Variants in DHRSX observed in about 807,000 individuals in gnomAD.
DHRSX encodes dehydrogenase/reductase X-linked, also known as polyprenol dehydrogenase.
In DHRSX, 31 loss-of-function variants were observed where a neutral mutation model predicts 34.0. The ratio of observed to expected loss-of-function variants is 0.91; its 90% confidence interval spans 0.69 to 1.23. The LOEUF is 1.23. DHRSX is among the 50% of genes most tolerant of loss of function. The pLI, the probability that DHRSX is intolerant of heterozygous loss-of-function variation, is 0.00. For synonymous variants in DHRSX, 201 were observed against 183.8 expected (o/e 1.09, Z -0.76); for missense variants, 414 against 428.1 (o/e 0.97, Z 0.29).
At chrX:2,421,639 T>C (rs1474279131) in intron 2 of DHRSX, among the ~76,000 whole-genome samples, 3 of 152,124 alleles carry the variant, frequency 2.0e-5, no homozygotes, top group Non-Finnish European at 4.4e-5. Flanking sequence ...CATTTTCTTC[T>C]TTTGTAAATG....
chrX:2,316,035 T>A (rs2042238068), intron 3 of DHRSX, among the ~76,000 whole-genome samples: 1 of 152,106 alleles, frequency 6.6e-6, no homozygotes, highest in African/African-American at 2.4e-5. Context: ...CTAATTTTTG[T>A]CTTTTTAGTA....
At chrX:2,475,176 C>G (rs73180879) in intron 1 of DHRSX, among the ~76,000 whole-genome samples, 23,887 of 139,238 alleles carry the variant, frequency 0.17, 3,221 homozygotes, top group African/African-American at 0.35. Context: ...TAAGGGACCT[C>G]CGCCATGTGC....
chrX:2,234,167 C>A (rs765072878), intron 6 of DHRSX, among the ~76,000 whole-genome samples: 31 of 152,156 alleles, frequency 2.0e-4, no homozygotes, highest in African/African-American at 7.0e-4. Context: ...TCCCTGCCTT[C>A]ACCCATGCAC....
At chrX:2,325,552 C>G (rs2042375501) in intron 3 of DHRSX, among the ~76,000 whole-genome samples, 1 of 152,052 alleles carries the variant, frequency 6.6e-6, no homozygotes, top group Non-Finnish European at 1.5e-5. Flanking sequence ...AGCCCATTTG[C>G]ATAACCGATT....
chrX:2,452,558 C>G (rs1016548608), intron 1 of DHRSX, among the ~76,000 whole-genome samples: 19 of 151,970 alleles, frequency 1.3e-4, no homozygotes, highest in African/African-American at 4.6e-4. Context: ...GCCAAGAGAC[C>G]ACCATGTACA....
intron 3 of DHRSX, among the ~76,000 whole-genome samples, chrX:2,298,321 T>G (rs1331042093): frequency 2.7e-5 from 4 of 150,822 alleles, no homozygotes; most frequent in African/African-American, 4.9e-5. Context: ...TTTGGTGTTT[T>G]TTTTTTTTTT....
At chrX:2,465,436 G>A (rs28376452) in intron 1 of DHRSX, among the ~76,000 whole-genome samples, 1 of 151,892 alleles carries the variant, frequency 6.6e-6, no homozygotes, top group Non-Finnish European at 1.5e-5. Flanking sequence ...AAATCAAGCT[G>A]TGAGGAGTAA....
intron 4 of DHRSX, among the ~76,000 whole-genome samples, chrX:2,283,418 G>C (rs1369343631): frequency 1.3e-5 from 2 of 152,096 alleles, no homozygotes; most frequent in Admixed American, 6.5e-5. Context: ...AGAATAAATG[G>C]TCTACACCTG....
intron 1 of DHRSX, among the ~76,000 whole-genome samples, chrX:2,496,041 T>G (rs777882472): frequency 6.6e-6 from 1 of 152,294 alleles, no homozygotes; most frequent in East Asian, 1.9e-4. Flanking sequence ...ATTTTTCTTT[T>G]AAAAAACATA....
At chrX:2,339,743 CCA>C (rs1467772037) in intron 3 of DHRSX, among the ~76,000 whole-genome samples, 1 of 152,044 alleles carries the variant, frequency 6.6e-6, no homozygotes, top group Non-Finnish European at 1.5e-5. Flanking sequence ...TGTCTATGTG[CCA>C]CATTTTCTTT....
At chrX:2,386,760 C>T (rs1167571793) in intron 3 of DHRSX, among the ~76,000 whole-genome samples, 1 of 151,924 alleles carries the variant, frequency 6.6e-6, no homozygotes, top group African/African-American at 2.4e-5. Flanking sequence ...ATGTTATTTC[C>T]TCTTTCTTGT....
chrX:2,376,510 A>T lies in DHRSX; in HGVS notation c.286+32235T>A, dbSNP rs1224235827. The stretch of plus-strand genomic sequence containing the variant: ...CCCTAGCCTTGGGTGACGTGGGTTT[A>T]ACTGTGACCTCACCAAGATGTGTCC... On this transcript the variant is annotated intron_variant, in intron 3 of 6. Coordinates refer to ENST00000334651, the MANE Select transcript of DHRSX (RefSeq NM_145177.3). 1.5e-5 allele frequency among the ~76,000 whole-genome samples: 2 copies of T among 137,304 alleles called. 1 individual carries two copies. Among genetic ancestry groups the T allele is most frequent in the East Asian group, 4.0e-4 (2 of 5,018 alleles). 90.1% of individuals were successfully genotyped at this position (137,304 alleles called of 152,430 possible).
intron 3 of DHRSX, among the ~76,000 whole-genome samples, chrX:2,396,428 A>G (rs1234531005): frequency 8.4e-6 from 1 of 118,466 alleles, no homozygotes; most frequent in Non-Finnish European, 1.6e-5. Context: ...CCCAGGCTGG[A>G]GTGCATTGGC....
intron 1 of DHRSX, among the ~76,000 whole-genome samples, chrX:2,451,480 G>A (rs6641538): frequency 0.055 from 8,398 of 152,254 alleles, 280 homozygotes; most frequent in East Asian, 0.081. Flanking sequence ...GGGAGCTGCA[G>A]TTCCAGAAAG....
chrX:2,497,659 T>C (rs2045316745), intron 1 of DHRSX, among the ~76,000 whole-genome samples: 1 of 152,218 alleles, frequency 6.6e-6, no homozygotes, highest in Non-Finnish European at 1.5e-5. Context: ...GGCCTATTAT[T>C]TACAATAGAA....
intron 4 of DHRSX, among the ~76,000 whole-genome samples, chrX:2,288,567 G>A (rs1396100303): frequency 6.6e-5 from 10 of 152,214 alleles, no homozygotes; most frequent in Admixed American, 1.3e-4. Flanking sequence ...CATGGGTGAA[G>A]AAACGCTGAC....
At chrX:2,244,400 T>A (rs911932212) in intron 5 of DHRSX, among the ~76,000 whole-genome samples, 5 of 152,174 alleles carry the variant, frequency 3.3e-5, no homozygotes, top group Admixed American at 1.3e-4. Context: ...TTTCTATGTA[T>A]GCCTTAGAAA....
In DHRSX at chrX:2,436,461, ATATTATTAT is replaced by A. The variant is rs1236612938; in HGVS notation, c.110-11166_110-11158del. ...AAGCAGCAATTACTTTTGCAGCAAC[ATATTATTAT>A]TATTATTATTATTATTATTATTATT... On this transcript the variant is annotated intron_variant, in intron 1 of 6. Coordinates refer to ENST00000334651, the MANE Select transcript of DHRSX (RefSeq NM_145177.3). Among the ~76,000 whole-genome samples, 89 of 129,272 alleles carry A rather than the reference ATATTATTAT, an allele frequency of 6.9e-4. 2 individuals carry two copies. Among genetic ancestry groups the A allele is most frequent in the South Asian group, 5.0e-3 (18 of 3,606 alleles). The allele number at this position is 129,272 out of a possible 152,430, so 84.8% of individuals were successfully genotyped here.
intron 6 of DHRSX, among the ~76,000 whole-genome samples, chrX:2,242,481 C>T (rs1209150759): frequency 2.0e-5 from 3 of 152,052 alleles, no homozygotes; most frequent in African/African-American, 4.8e-5. Flanking sequence ...CTGGGTAACA[C>T]GAGGCTGAGA....
Sources: gnomAD v4.1 joint callset for allele counts (sites outside exome capture counted in the v4.1 genomes callset) on GRCh38, gnomAD v4.1.1 for gene constraint, MANE v1.5 for transcripts, NCBI Gene and HGNC (gene_info 2026-07-23, HGNC 2026-07-21) for gene names.